KMT2C: variants seen among roughly 807,000 people sequenced by gnomAD.
The protein encoded by KMT2C is histone-lysine N-methyltransferase 2C.
Under a neutral mutation model 507.9 loss-of-function variants are expected in KMT2C, and 88 were observed. That is an observed-to-expected ratio of 0.17 (90% confidence interval 0.15 to 0.21). The LOEUF (loss-of-function observed/expected upper bound fraction) is 0.21. Among genes scored for constraint, KMT2C ranks in the 10% least tolerant of loss-of-function variants. The pLI is 1.00. For synonymous variants in KMT2C, 2,049 were observed against 2,080.8 expected (o/e 0.98, Z 0.42); for missense variants, 4,954 against 5,957.8 (o/e 0.83, Z 5.55).
intron 51 of KMT2C, among the ~76,000 whole-genome samples, 156 bp from the exon 52 acceptor site, chr7:152,149,308 C>T (rs987159428): frequency 1.2e-4 from 19 of 152,152 alleles, no homozygotes; most frequent in Non-Finnish European, 2.4e-4. Context: ...GCTCATGCAC[C>T]GCAGAAGCTG....
intron 41 of KMT2C, among the ~76,000 whole-genome samples, chr7:152,167,632 A>G (rs1293165777): frequency 1.3e-5 from 2 of 152,218 alleles, no homozygotes; most frequent in African/African-American, 4.8e-5. Flanking sequence ...TACAAATCCA[A>G]TCTTGGAAAA....
At chr7:152,193,404 A>G (rs2093864859) in intron 31 of KMT2C, among the ~76,000 whole-genome samples, 1 of 152,204 alleles carries the variant, frequency 6.6e-6, no homozygotes, top group South Asian at 2.1e-4. Context: ...AAAATTTCAT[A>G]GTGTCTACAG....
At chr7:152,153,923 TTG>T (rs2091852538) in intron 48 of KMT2C, 85 bp downstream of exon 48, 10 of 1,295,142 alleles carry the variant, frequency 7.7e-6, no homozygotes, top group Non-Finnish European at 1.1e-5. Context: ...GTGATCCTGT[TTG>T]TGTGTGTTTT....
intron 4 of KMT2C, among the ~76,000 whole-genome samples, chr7:152,313,535 G>C (rs1211076325): frequency 6.6e-6 from 1 of 151,804 alleles, no homozygotes; most frequent in African/African-American, 2.4e-5. Context: ...AAAATTCTTA[G>C]TTATAAAACA....
chr7:152,377,086 T>C (rs1176814702), intron 1 of KMT2C, among the ~76,000 whole-genome samples: 4 of 152,414 alleles, frequency 2.6e-5, no homozygotes, highest in African/African-American at 7.2e-5. Context: ...AGCTGGTAAC[T>C]TGACGTTGAA....
At chr7:152,380,986 A>T (rs377189370) in intron 1 of KMT2C, among the ~76,000 whole-genome samples, 23 of 147,104 alleles carry the variant, frequency 1.6e-4, no homozygotes, top group South Asian at 6.5e-4. Flanking sequence ...TACAGCAAAA[A>T]GTATTAGAAT....
chr7:152,259,071 T>C (rs540676464), intron 9 of KMT2C, among the ~76,000 whole-genome samples: 46 of 151,966 alleles, frequency 3.0e-4, no homozygotes, highest in African/African-American at 1.1e-3. Flanking sequence ...TCTCATCTAA[T>C]TATAAGGGGA....
Position 152,150,929 on chromosome 7 carries a change from T to C in KMT2C, c.12745A>G (p.Thr4249Ala), listed in dbSNP as rs910828769. 11 of 1,613,024 alleles carry C rather than the reference T, an allele frequency of 6.8e-6. No individual in the cohort carries two copies. The highest frequency in any genetic ancestry group is 9.3e-6 in the Non-Finnish European group (11 of 1,179,098). ...TTTTCTGAGTTTTTCGCTTGTGCAG[T>C]TGATGAATAAAGAATAAAGCAGTTA... is the stretch of plus-strand genomic sequence containing the variant. ...SNNCFILYSS[T>A]AQAKNSENKE... Residue 4249 changes from threonine (T) to alanine (A), a missense_variant, in exon 51 of 59, where the codon ACT becomes GCT. Transcript: ENST00000262189.
rs777999542 is a variant in KMT2C at position 152,330,619 on chromosome 7, C to A, written c.371G>T (p.Gly124Val). The change falls in exon 3 of 59, where the codon GGT becomes GTT. Residue 124 changes from glycine to valine, a missense_variant. Coordinates refer to ENST00000262189, the MANE Select transcript of KMT2C (RefSeq NM_170606.3). ...EESANSLVSV[G>V]VEAKISEQLC... Reference sequence around the variant, plus strand: ...CTCTAACCTGATTTTGGCTTCTACACCAACAGAGACCAGGGAGTTTGCCGA... The same window carrying A: ...CTCTAACCTGATTTTGGCTTCTACAACAACAGAGACCAGGGAGTTTGCCGA... 6.2e-7 allele frequency: 1 copy of A among 1,614,156 alleles called. No individual in the cohort carries two copies.
intron 55 of KMT2C, 90 bp from the exon 56 acceptor site, chr7:152,139,881 T>G: frequency 1.2e-6 from 1 of 811,674 alleles, no homozygotes; most frequent in Non-Finnish European, 2.0e-6. Flanking sequence ...CGGGTCTTAT[T>G]AGAAGCCATA....
At chr7:152,307,904 A>C (rs991520214) in intron 6 of KMT2C, among the ~76,000 whole-genome samples, 3 of 152,180 alleles carry the variant, frequency 2.0e-5, no homozygotes, top group Non-Finnish European at 2.9e-5. Context: ...ACCACCAAAA[A>C]GCTCATTTAG....
At chr7:152,385,860 G>C (rs1249807991) in intron 1 of KMT2C, among the ~76,000 whole-genome samples, 1 of 151,776 alleles carries the variant, frequency 6.6e-6, no homozygotes. Context: ...GGCTGAGGCG[G>C]GTGAATCACC....
chr7:152,276,631 T>C (rs1223163940), intron 6 of KMT2C, among the ~76,000 whole-genome samples: 2 of 152,074 alleles, frequency 1.3e-5, no homozygotes, highest in African/African-American at 4.8e-5. Flanking sequence ...CATGCACCTA[T>C]AGTCCCAGCT....
intron 2 of KMT2C, among the ~76,000 whole-genome samples, chr7:152,339,025 T>C (rs1303437885): frequency 6.6e-6 from 1 of 152,210 alleles, no homozygotes; most frequent in Non-Finnish European, 1.5e-5. Context: ...AAAGGTTAAA[T>C]ACTTCTTTGA....
intron 19 of KMT2C, 83 bp downstream of exon 19, chr7:152,224,352 G>A (rs2094865829): frequency 1.4e-6 from 2 of 1,391,232 alleles, no homozygotes; most frequent in African/African-American, 2.9e-5. Flanking sequence ...AATTAAATAG[G>A]TGTGGCTAAT....
chr7:152,299,737 TG>T (rs2096549688), intron 6 of KMT2C, among the ~76,000 whole-genome samples: 1 of 151,722 alleles, frequency 6.6e-6, no homozygotes, highest in Non-Finnish European at 1.5e-5. Flanking sequence ...TAAATGTACA[TG>T]GTCTAAATAC....
At chr7:152,226,991 T>C (rs1290594374) in intron 18 of KMT2C, among the ~76,000 whole-genome samples, 1 of 152,192 alleles carries the variant, frequency 6.6e-6, no homozygotes, top group Admixed American at 6.5e-5. Context: ...TTTATCTTCA[T>C]TCCTACTAAG....
chr7:152,429,329 C>T (rs1016506010), intron 1 of KMT2C, among the ~76,000 whole-genome samples: 6 of 152,126 alleles, frequency 3.9e-5, no homozygotes, highest in Non-Finnish European at 5.9e-5. Context: ...TATGTAGTTA[C>T]TGCCATCACA....
Position 152,180,068 on chromosome 7 carries a change from C to A in KMT2C, c.7208G>T (p.Arg2403Leu), listed in dbSNP as rs761384148. 1.2e-6 allele frequency: 2 copies of A among 1,614,056 alleles called. No homozygotes were observed. The highest frequency in any genetic ancestry group is 3.3e-5 in the Admixed American group (2 of 59,996). The change falls in exon 37 of 59, where the codon CGA becomes CTA. Residue 2403 changes from arginine to leucine, a missense_variant. By Grantham distance (102) the Arg-to-Leu change is moderately radical. Transcript: ENST00000262189. ...TGAGTCCTGTGACCCCTTCTCCTGT[C>A]GACCTGCAATCTTCTTCTGCTGTTG... The part of the protein sequence containing the change: ...QQQQQKKIAG[R>L]QEKGSQDSPA...
Sources: allele counts gnomAD v4.1 joint callset (sites outside exome capture counted in the v4.1 genomes callset), GRCh38; gene constraint gnomAD v4.1.1; transcripts MANE v1.5; gene names NCBI Gene and HGNC (gene_info 2026-07-23, HGNC 2026-07-21).